The following LARGE1 variants were observed in gnomAD, a reference collection of about 807,000 sequenced individuals.
LARGE1 encodes xylosyl- and glucuronyltransferase LARGE1.
In LARGE1, 43 loss-of-function variants were observed where a neutral mutation model predicts 87.6. That is an observed-to-expected ratio of 0.49 (90% CI 0.38 to 0.63). LARGE1 has a LOEUF of 0.63. Ranked by LOEUF, LARGE1 falls within the 30% of genes least tolerant of loss-of-function variation. LARGE1 has a pLI of 0.00. For synonymous variants in LARGE1, 434 were observed against 394.6 expected (o/e 1.10, Z -1.18); for missense variants, 802 against 1,000.2 (o/e 0.80, Z 2.67).
chr22:33,900,108 C>T (rs1274378435), intron 1 of LARGE1, among the ~76,000 whole-genome samples: 5 of 152,160 alleles, frequency 3.3e-5, no homozygotes, highest in African/African-American at 9.7e-5. Flanking sequence ...ACCAAAAAAC[C>T]AGAATACATT....
chr22:33,694,721 G>C (rs2082192698), intron 2 of LARGE1, among the ~76,000 whole-genome samples: 1 of 152,088 alleles, frequency 6.6e-6, no homozygotes, highest in South Asian at 2.1e-4. Context: ...AGAGACAGGA[G>C]GGGGAAGGGA....
rs67447726 is a variant in LARGE1 at position 33,870,556 on chromosome 22, G to GTGT, written c.-83+49436_-83+49438dup. 7.1e-3 allele frequency among the ~76,000 whole-genome samples: 1,066 copies of GTGT among 150,432 alleles called. 12 individuals carry two copies. The highest frequency in any genetic ancestry group is 0.024 in the African/African-American group (981 of 40,822). The stretch of plus-strand genomic sequence containing the variant: ...CCCCACAACATCCCCATGACTGTCT[G>GTGT]TGTTGTTGTTGTTGTTGTTGTTGTT... On this transcript the variant is annotated intron_variant, in intron 1 of 14. Transcript: ENST00000397394.
intron 1 of LARGE1, among the ~76,000 whole-genome samples, chr22:33,802,365 G>A (rs887836260): frequency 1.3e-5 from 2 of 152,182 alleles, no homozygotes; most frequent in Non-Finnish European, 2.9e-5. Context: ...GACTAGACAG[G>A]CTGGGAGTCT....
chr22:33,708,363 G>A (rs150387979), intron 2 of LARGE1, among the ~76,000 whole-genome samples: 258 of 152,214 alleles, frequency 1.7e-3, no homozygotes, highest in African/African-American at 5.9e-3. Context: ...TGGCCAATGC[G>A]TAGACAGAGA....
intron 1 of LARGE1, among the ~76,000 whole-genome samples, chr22:33,880,239 T>C (rs1427737772): frequency 1.3e-5 from 2 of 152,164 alleles, no homozygotes; most frequent in Non-Finnish European, 2.9e-5. Context: ...CCCAGCATGA[T>C]TGCCATATTT....
the LARGE1 span, among the ~76,000 whole-genome samples, chr22:33,077,719 T>A: frequency 2.0e-5 from 3 of 152,204 alleles, no homozygotes; most frequent in East Asian, 5.8e-4. Context: ...CTGATCATCT[T>A]AACACAGGGA....
At chr22:33,441,438 A>ATC (rs1321825874) in intron 6 of LARGE1, among the ~76,000 whole-genome samples, 1 of 151,776 alleles carries the variant, frequency 6.6e-6, no homozygotes, top group African/African-American at 2.4e-5. Flanking sequence ...TTAATAGGTA[A>ATC]TCTCTCTCTT....
intron 1 of LARGE1, among the ~76,000 whole-genome samples, chr22:33,839,185 G>C (rs988673965): frequency 1.3e-5 from 2 of 152,238 alleles, no homozygotes; most frequent in African/African-American, 4.8e-5. Flanking sequence ...TCTGGAGAGG[G>C]CCTCAGGAAA....
At chr22:33,429,426 G>C (rs150171003) in intron 7 of LARGE1, among the ~76,000 whole-genome samples, 24 of 152,254 alleles carry the variant, frequency 1.6e-4, no homozygotes, top group Non-Finnish European at 2.6e-4. Context: ...AATCAAGCGG[G>C]AACTGGAGGT....
At chr22:33,486,038 G>A (rs918607335) in intron 6 of LARGE1, among the ~76,000 whole-genome samples, 1 of 152,166 alleles carries the variant, frequency 6.6e-6, no homozygotes, top group African/African-American at 2.4e-5. Flanking sequence ...AAGGACCATC[G>A]CTCAGGACAA....
intron 1 of LARGE1, among the ~76,000 whole-genome samples, chr22:33,764,484 C>G (rs541988296): frequency 6.6e-6 from 1 of 152,092 alleles, no homozygotes; most frequent in African/African-American, 2.4e-5. Context: ...CCGGGTATTA[C>G]AGGTGGCTCA....
intron 2 of LARGE1, among the ~76,000 whole-genome samples, chr22:33,712,037 T>C (rs1008970842): frequency 2.6e-5 from 4 of 152,162 alleles, no homozygotes; most frequent in Admixed American, 2.0e-4. Flanking sequence ...GTGTGCTGCA[T>C]ATTGAGTGGT....
In LARGE1 at chr22:33,273,303, A is replaced by G; in HGVS notation, c.*1124T>C. The G allele has an allele frequency of 2.5e-6, 1 of 398,242 alleles. No individual in the cohort carries two copies. Among genetic ancestry groups the G allele is most frequent in the Non-Finnish European group, 4.4e-6 (1 of 226,032 alleles). The allele number at this position is 398,242 out of a possible 1,614,324, so 24.7% of individuals were successfully genotyped here. On this transcript the variant is annotated 3_prime_UTR_variant, in exon 15 of 15. Coordinates refer to ENST00000397394, the MANE Select transcript of LARGE1 (RefSeq NM_133642.5). ...CTACCCTTGGACAGGTCCCAAAGGG[A>G]GACTGAGGTTGTCACCTCTTCCCAT... is the stretch of plus-strand genomic sequence containing the variant.
chr22:33,331,093 T>C (rs1027092309), intron 10 of LARGE1, among the ~76,000 whole-genome samples: 2 of 152,190 alleles, frequency 1.3e-5, no homozygotes, highest in African/African-American at 2.4e-5. Flanking sequence ...GGGTCAGGCA[T>C]TGGGGTCTGT....
intron 4 of LARGE1, among the ~76,000 whole-genome samples, chr22:33,612,836 A>T (rs2079479203): frequency 6.6e-6 from 1 of 152,218 alleles, no homozygotes; most frequent in African/African-American, 2.4e-5. Flanking sequence ...TAACCTGGTT[A>T]CAGAGCAGAA....
chr22:33,586,878 T>A (rs2078693106), intron 5 of LARGE1, among the ~76,000 whole-genome samples: 1 of 152,198 alleles, frequency 6.6e-6, no homozygotes, highest in African/African-American at 2.4e-5. Flanking sequence ...ATTGTGCTAC[T>A]ACAGAAAGTC....
chr22:33,219,439 A>C (rs1925357511), intron 11 of LARGE1, among the ~76,000 whole-genome samples: 1 of 152,228 alleles, frequency 6.6e-6, no homozygotes, highest in African/African-American at 2.4e-5. Context: ...CCTTGTTAAC[A>C]ATCTTCCCAG....
At chr22:33,757,339 C>G (rs1271640790) in intron 2 of LARGE1, among the ~76,000 whole-genome samples, 1 of 152,014 alleles carries the variant, frequency 6.6e-6, no homozygotes. Context: ...GGGGAAGATT[C>G]TGGTCATTTT....
chr22:33,540,915 C>T (rs538116194), intron 6 of LARGE1, among the ~76,000 whole-genome samples: 20 of 151,856 alleles, frequency 1.3e-4, no homozygotes, highest in African/African-American at 4.6e-4. Flanking sequence ...AGGCGGATTG[C>T]TTGAGCACAG....
Sources: allele counts gnomAD v4.1 joint callset (sites outside exome capture counted in the v4.1 genomes callset), GRCh38; gene constraint gnomAD v4.1.1; transcripts MANE v1.5; gene names NCBI Gene and HGNC (gene_info 2026-07-23, HGNC 2026-07-21).